Variants in HABP4 observed in about 807,000 individuals in gnomAD.
HABP4 encodes the protein intracellular hyaluronan-binding protein 4.
In HABP4, 32 loss-of-function variants were observed where a neutral mutation model predicts 44.1. The ratio of observed to expected loss-of-function variants is 0.73; its 90% confidence interval spans 0.55 to 0.97. The LOEUF is 0.97. Among genes scored for constraint, HABP4 ranks in the 50% least tolerant of loss-of-function variants. The pLI, the probability that HABP4 is intolerant of heterozygous loss-of-function variation, is 0.00. For missense variants in HABP4, 503 were observed against 561.9 expected, an observed-to-expected ratio of 0.90 and a Z score of 1.06; for synonymous variants, 216 against 218.0, an observed-to-expected ratio of 0.99 and a Z score of 0.08.
Position 96,450,349 on chromosome 9 carries a change from G to C in HABP4, c.70G>C (p.Val24Leu). 1 of 1,459,212 alleles carries C rather than the reference G, an allele frequency of 6.9e-7. No homozygotes were observed. The highest frequency in any genetic ancestry group is 9.1e-7 in the Non-Finnish European group (1 of 1,095,228). The allele number at this position is 1,459,212 out of a possible 1,614,324, so 90.4% of individuals were successfully genotyped here. A position where few individuals can be genotyped will look rare whatever the true frequency, so the allele number is the denominator to read the frequency against. The change falls in exon 1 of 8, where the codon GTG (valine) becomes CTG (leucine). Residue 24 changes from valine (V) to leucine (L), a missense_variant. Around this residue, in one of 3 missense-constraint regions of HABP4, gnomAD observed 290 missense variants for 300.5 expected, o/e 0.97. Coordinates refer to ENST00000375249, the MANE Select transcript of HABP4 (RefSeq NM_014282.4). This position sits in a 1 kb window ranked among gnomAD's most constrained non-coding sequence, Gnocchi z 4.8. ...GATGCAGGAGAGTTTCGGCTGCGTG[G>C]TGGCCAACCGCTTCCATCAGCTGCT... ...AAMQESFGCV[V>L]ANRFHQLLDD... is the part of the protein sequence containing the mutation.
chr9:96,455,537 G>T (rs1832359407), intron 1 of HABP4, among the ~76,000 whole-genome samples: 1 of 151,814 alleles, frequency 6.6e-6, no homozygotes, highest in African/African-American at 2.4e-5. Flanking sequence ...GCTGAGGCGG[G>T]TGGATCACCT....
intron 4 of HABP4, among the ~76,000 whole-genome samples, chr9:96,466,586 G>A (rs1019716282): frequency 1.3e-5 from 2 of 152,198 alleles, no homozygotes; most frequent in South Asian, 2.1e-4. Context: ...ACCTTTCAAA[G>A]TTCATGTGGA....
At chr9:96,474,063 G>A (rs1377459269) in intron 5 of HABP4, among the ~76,000 whole-genome samples, 1 of 152,170 alleles carries the variant, frequency 6.6e-6, no homozygotes, top group African/African-American at 2.4e-5. Flanking sequence ...TCCTAGAGTG[G>A]TGCCTGGCAT....
At chr9:96,465,588 T>C (rs1832586820) in intron 3 of HABP4, 90 bp downstream of exon 3, 1 of 1,147,904 alleles carries the variant, frequency 8.7e-7, no homozygotes. Context: ...GTTAACTTTA[T>C]AGTACTGTGC....
chr9:96,471,074 G>A lies in HABP4; in HGVS notation c.807G>A (p.Pro269=), dbSNP rs759481127. 37 of 1,586,716 alleles carry A rather than the reference G, an allele frequency of 2.3e-5. No individual in the cohort carries two copies. The highest frequency in any genetic ancestry group is 1.7e-4 in the Middle Eastern group (1 of 6,006). ...TGGTGGAGGAGTCCCAGGGCACCCC[G>A]GAAGAGGAGTCTCCAGCCAAGTAGG... is the stretch of plus-strand genomic sequence containing the variant. The part of the protein sequence containing the change: ...PTVVEESQGT[P]EEESPAKVPE... The change falls in exon 5 of 8, where the codon CCG becomes CCA. Residue 269 remains proline, a synonymous_variant. Coordinates refer to ENST00000375249, the MANE Select transcript of HABP4 (RefSeq NM_014282.4).
At chr9:96,464,026 C>G (rs1832553771) in intron 2 of HABP4, among the ~76,000 whole-genome samples, 1 of 152,204 alleles carries the variant, frequency 6.6e-6, no homozygotes, top group South Asian at 2.1e-4. Context: ...GACAAGTCCT[C>G]AGAAAGAGTG....
intron 5 of HABP4, among the ~76,000 whole-genome samples, chr9:96,472,580 C>T (rs548175252): frequency 1.1e-4 from 17 of 152,220 alleles, no homozygotes; most frequent in Non-Finnish European, 2.1e-4. Flanking sequence ...GACCTCTTCA[C>T]GCTTCAGATC....
chr9:96,473,811 C>T (rs1832733979), intron 5 of HABP4, among the ~76,000 whole-genome samples: 1 of 152,194 alleles, frequency 6.6e-6, no homozygotes, highest in African/African-American at 2.4e-5. Context: ...TTACTCTTCG[C>T]CTATCTGTCT....
upstream of HABP4, chr9:96,450,163 C>A: frequency 9.5e-7 from 1 of 1,052,316 alleles, no homozygotes; most frequent in Non-Finnish European, 1.2e-6. The surrounding 1 kb of genome is among the most constrained non-coding windows in gnomAD (Gnocchi z 4.8). Flanking sequence ...AGGGGCCGGA[C>A]AGGGTAGGGC....
intron 2 of HABP4, among the ~76,000 whole-genome samples, chr9:96,459,757 A>G (rs1258447390): frequency 1.3e-5 from 2 of 152,166 alleles, no homozygotes; most frequent in African/African-American, 4.8e-5. Flanking sequence ...AACAAAACAA[A>G]ACAAAAGTCC....
At chr9:96,489,412 C>T (rs1833038630) in intron 7 of HABP4, among the ~76,000 whole-genome samples, 1 of 151,134 alleles carries the variant, frequency 6.6e-6, no homozygotes, top group Admixed American at 6.6e-5. Context: ...GCCCTTAGGG[C>T]CCGCCCCCGC....
At chr9:96,478,650 GTCA>G (rs1215247121) in intron 5 of HABP4, among the ~76,000 whole-genome samples, 1 of 149,336 alleles carries the variant, frequency 6.7e-6, no homozygotes, top group East Asian at 2.0e-4. Context: ...GGTTTTTGTT[GTCA>G]TCGTTTTTTT....
At chr9:96,450,113 C>A, upstream of HABP4, 1 of 608,954 alleles carries the variant, frequency 1.6e-6, no homozygotes, top group Non-Finnish European at 2.2e-6. The surrounding 1 kb of genome is among the most constrained non-coding windows in gnomAD (Gnocchi z 4.8). Flanking sequence ...TCTGGCGCAG[C>A]GGGGCGGACG....
chr9:96,474,966 G>A (rs1004883406), intron 5 of HABP4, among the ~76,000 whole-genome samples: 1 of 152,162 alleles, frequency 6.6e-6, no homozygotes, highest in South Asian at 2.1e-4. Context: ...TATGTGCAAT[G>A]CCCTTCCATC....
intron 5 of HABP4, among the ~76,000 whole-genome samples, chr9:96,480,897 A>G (rs1322273648): frequency 6.6e-6 from 1 of 152,198 alleles, no homozygotes; most frequent in African/African-American, 2.4e-5. Flanking sequence ...TGTTTTTTCT[A>G]CCATCAGCTT....
In HABP4 at chr9:96,490,569, A is replaced by G. The variant is rs1057299117; in HGVS notation, c.*531A>G. ...TTGAGTTCTGGTTTTCACTTAACCA[A>G]TCATTTAAAAATCGCTATTGTGTAG... On this transcript the variant is annotated 3_prime_UTR_variant, in exon 8 of 8. Coordinates refer to ENST00000375249, the MANE Select transcript of HABP4 (RefSeq NM_014282.4). 2 of 152,638 alleles carry G rather than the reference A, an allele frequency of 1.3e-5. No individual in the cohort carries two copies. Among genetic ancestry groups the G allele is most frequent in the Admixed American group, 1.3e-4 (2 of 15,332 alleles). 9.5% of individuals were successfully genotyped at this position (152,638 alleles called of 1,614,324 possible). A position where few individuals can be genotyped will look rare whatever the true frequency, so the allele number is the denominator to read the frequency against.
At chr9:96,481,031 C>T (rs1832867937) in intron 5 of HABP4, among the ~76,000 whole-genome samples, 1 of 152,180 alleles carries the variant, frequency 6.6e-6, no homozygotes, top group Non-Finnish European at 1.5e-5. Flanking sequence ...CCTTAAATTA[C>T]ATCAGCTCTT....
intron 4 of HABP4, among the ~76,000 whole-genome samples, chr9:96,470,074 G>A (rs1209577023): frequency 6.6e-6 from 1 of 152,122 alleles, no homozygotes; most frequent in Non-Finnish European, 1.5e-5. Context: ...TAGGAAGGCT[G>A]AGGCAGATGG....
At chr9:96,469,597 A>T (rs946091613) in intron 4 of HABP4, among the ~76,000 whole-genome samples, 3 of 151,836 alleles carry the variant, frequency 2.0e-5, no homozygotes, top group African/African-American at 7.3e-5. Flanking sequence ...ATCTCGGCTC[A>T]CTGCAACCTC....
Sources: allele counts gnomAD v4.1 joint callset (sites outside exome capture counted in the v4.1 genomes callset), GRCh38; gene constraint gnomAD v4.1.1; regional missense constraint gnomAD v4.1.1; non-coding constraint Gnocchi (gnomAD v3.1); transcripts MANE v1.5; gene names NCBI Gene and HGNC (gene_info 2026-07-23, HGNC 2026-07-21).